Variants in MUC5AC observed in about 807,000 individuals in gnomAD.
MUC5AC encodes the protein mucin 5AC, oligomeric mucus/gel-forming, also known as mucin-5AC.
A neutral mutation model predicts 169.7 loss-of-function variants in MUC5AC; 158 were observed. The ratio of observed to expected loss-of-function variants is 0.93; its 90% CI spans 0.82 to 1.06. MUC5AC has a LOEUF of 1.06. MUC5AC is among the 50% of genes least tolerant of loss of function. The pLI is 0.00. For missense variants in MUC5AC, 4,359 were observed against 3,089.9 expected (o/e 1.41, Z -9.74); for synonymous variants, 1,975 against 1,237.0 (o/e 1.60, Z -12.52).
chr11:1,201,056 A>T lies in MUC5AC; in HGVS notation c.*354A>T. 1 of 219,490 alleles carries T rather than the reference A, an allele frequency of 4.6e-6. No homozygotes were observed. The highest frequency in any genetic ancestry group is 9.0e-6 in the Non-Finnish European group (1 of 111,464). 13.6% of individuals were successfully genotyped at this position (219,490 alleles called of 1,614,324 possible). A position where few individuals can be genotyped will look rare whatever the true frequency, so the allele number is the denominator to read the frequency against. On this transcript the variant is annotated 3_prime_UTR_variant, in exon 49 of 49. Coordinates refer to ENST00000621226, the MANE Select transcript of MUC5AC (RefSeq NM_001304359.2). ...TGGTGGCTGCAGGAGGAAGAACCTC[A>T]CTCCTACCTCAGCCCTCAGCCTGCG...
chr11:1,187,284 T>C lies in MUC5AC; in HGVS notation c.9139T>C (p.Ser3047Pro), dbSNP rs1464458886. 1 of 711,776 alleles carries C rather than the reference T, an allele frequency of 1.4e-6. No individual in the cohort carries two copies. Among genetic ancestry groups the C allele is most frequent in the African/African-American group, 1.8e-5 (1 of 56,650 alleles). The allele number at this position is 711,776 out of a possible 1,614,324, so 44.1% of individuals were successfully genotyped here. ...TSTPTSSTTS[S>P]PQTSTTSAST... is the part of the protein sequence containing the mutation. Reference sequence around the variant, plus strand: ...TACCCCTACAAGCAGCACAACCTCCTCTCCACAGACCAGCACAACCTCGGC... The same window carrying C: ...TACCCCTACAAGCAGCACAACCTCCCCTCCACAGACCAGCACAACCTCGGC... Residue 3047 changes from serine to proline, a missense_variant, in exon 31 of 49, where the codon TCT (serine) becomes CCT (proline). Ser to Pro is a moderately conservative substitution (Grantham distance 74). Coordinates refer to ENST00000621226, the MANE Select transcript of MUC5AC (RefSeq NM_001304359.2).
At position 1,194,471 on chromosome 11, in the gene MUC5AC, C is replaced by T. The variant is rs1417914447; in HGVS notation, c.15007-16C>T. 5 of 743,850 alleles carry T rather than the reference C, an allele frequency of 6.7e-6. No homozygotes were observed. The highest frequency in any genetic ancestry group is 2.5e-5 in the East Asian group (1 of 40,458). 46.1% of individuals were successfully genotyped at this position (743,850 alleles called of 1,614,324 possible). A position where few individuals can be genotyped will look rare whatever the true frequency, so the allele number is the denominator to read the frequency against. ...GCCTGCCTTCTGACTTCCCGTCGAC[C>T]ACGCCCTGCGTCCAGATCATCTTCA... On this transcript the variant is annotated splice_polypyrimidine_tract_variant and intron_variant, in intron 34 of 48. Transcript: ENST00000621226.
At chr11:1,172,992 A>C (rs1860583937) in intron 16 of MUC5AC, among the ~76,000 whole-genome samples, 1 of 143,824 alleles carries the variant, frequency 7.0e-6, no homozygotes, top group Non-Finnish European at 1.5e-5. Context: ...CCATTCACCC[A>C]CTCACTCACC....
intron 36 of MUC5AC, 94 bp from the exon 37 acceptor site, chr11:1,195,782 C>T (rs1048657835): frequency 4.5e-5 from 30 of 659,864 alleles, no homozygotes; most frequent in African/African-American, 4.1e-4. Context: ...GGACTCGCCT[C>T]GCCTGGAGAC....
Position 1,199,779 on chromosome 11 carries a change from T to G in MUC5AC, c.16585+15T>G. On this transcript the variant is annotated intron_variant, in intron 47 of 48. Coordinates refer to ENST00000621226, the MANE Select transcript of MUC5AC (RefSeq NM_001304359.2). ...GTACCAGAACCGTGAGTACCCAGCC[T>G]GCTGGGCGGGGCGGGCTCCACCCTC... The G allele has an allele frequency of 2.8e-6, 2 of 718,980 alleles. No homozygotes were observed. The highest frequency in any genetic ancestry group is 5.1e-6 in the Non-Finnish European group (2 of 394,406). The allele number at this position is 718,980 out of a possible 1,614,324, so 44.5% of individuals were successfully genotyped here.
Position 1,184,303 on chromosome 11 carries a change from T to G in MUC5AC, c.6158T>G (p.Ile2053Ser). The change falls in exon 31 of 49, where the codon ATC becomes AGC. Residue 2053 changes from isoleucine to serine, a missense_variant. Physicochemically the swap from Ile to Ser is moderately radical, Grantham distance 142. Coordinates refer to ENST00000621226, the MANE Select transcript of MUC5AC (RefSeq NM_001304359.2). ...GAGACGGTGAACGTGTGCAGAGACA[T>G]CACCAGACCGCCAAAGACCGTCGCA... ...CCETVNVCRD[I>S]TRPPKTVATT... 2.1e-6 allele frequency: 1 copy of G among 469,344 alleles called. No homozygotes were observed. Among genetic ancestry groups the G allele is most frequent in the Admixed American group, 3.8e-5 (1 of 26,500 alleles). 29.1% of individuals were successfully genotyped at this position (469,344 alleles called of 1,614,324 possible). A position where few individuals can be genotyped will look rare whatever the true frequency, so the allele number is the denominator to read the frequency against.
chr11:1,194,017 G>T, intron 33 of MUC5AC, 93 bp from the exon 34 acceptor site: 1 of 705,580 alleles, frequency 1.4e-6, no homozygotes, highest in Non-Finnish European at 2.6e-6. Context: ...ACGGTGGGGG[G>T]TCAGGGACAG....
chr11:1,196,532 C>T, intron 38 of MUC5AC, 57 bp downstream of exon 38: 1 of 764,260 alleles, frequency 1.3e-6, no homozygotes, highest in Non-Finnish European at 2.4e-6. Flanking sequence ...CAGTCCCCAG[C>T]CTCCCGCTGC....
chr11:1,159,311 C>A (rs1860053029), intron 1 of MUC5AC, among the ~76,000 whole-genome samples: 1 of 152,124 alleles, frequency 6.6e-6, no homozygotes. Context: ...CCCCTCTCTG[C>A]AGGTCCTGGG....
At chr11:1,167,833 C>T in intron 11 of MUC5AC, 44 bp from the exon 12 acceptor site, 1 of 1,500,500 alleles carries the variant, frequency 6.7e-7, no homozygotes, top group African/African-American at 1.4e-5. Flanking sequence ...GTGGGCTGGG[C>T]GTTGGATGGA....
rs756797156 is a variant in MUC5AC at position 1,195,157 on chromosome 11, C to A, written c.15336C>A (p.Val5112=). 1.3e-6 allele frequency: 1 copy of A among 761,280 alleles called. No individual in the cohort carries two copies. Among genetic ancestry groups the A allele is most frequent in the Non-Finnish European group, 2.4e-6 (1 of 416,012 alleles). 47.2% of individuals were successfully genotyped at this position (761,280 alleles called of 1,614,324 possible). The change falls in exon 36 of 49, where the codon GTC becomes GTA. Residue 5112 remains valine, a synonymous_variant. Transcript: ENST00000621226. ...CHRPHPTPTT[V]GPTTVGSTTV... is the part of the protein sequence containing the mutation. ...GGCCTCACCCGACGCCCACCACGGT[C>A]GGGCCCACCACAGTTGGGTCTACCA... is the stretch of plus-strand genomic sequence containing the variant.
In MUC5AC at chr11:1,163,866, T is replaced by C. The variant is rs1209338938; in HGVS notation, c.680-16T>C. ...CCGGGACCTGCAGGCAGAGCCCGCCTCTGTGCTTGCCGCAGACACCAAGCT... is the reference window on the plus strand; with the variant it reads ...CCGGGACCTGCAGGCAGAGCCCGCCCCTGTGCTTGCCGCAGACACCAAGCT... On this transcript the variant is annotated splice_polypyrimidine_tract_variant and intron_variant, in intron 6 of 48. Transcript: ENST00000621226. The C allele has an allele frequency of 1.3e-6, 2 of 1,589,042 alleles. No homozygotes were observed. Among genetic ancestry groups the C allele is most frequent in the African/African-American group, 1.3e-5 (1 of 74,158 alleles).
intron 1 of MUC5AC, among the ~76,000 whole-genome samples, chr11:1,158,575 G>C (rs530738291): frequency 6.6e-6 from 1 of 152,330 alleles, no homozygotes; most frequent in Non-Finnish European, 1.5e-5. Flanking sequence ...AGGCCCACAA[G>C]GGAACTGTTT....
At chr11:1,165,598 CG>C in intron 10 of MUC5AC, 23 bp from the exon 11 acceptor site, 7 of 1,610,540 alleles carry the variant, frequency 4.3e-6, no homozygotes, top group Non-Finnish European at 5.1e-6. Flanking sequence ...CCGGCACCCA[CG>C]TGGCACCATC....
chr11:1,197,385 C>T, intron 40 of MUC5AC, 83 bp from the exon 41 acceptor site: 3 of 675,374 alleles, frequency 4.4e-6, no homozygotes, highest in Non-Finnish European at 8.1e-6. Flanking sequence ...CCTGGCTGCC[C>T]CGGCACTGCA....
Position 1,183,430 on chromosome 11 carries a change from C to G in MUC5AC, c.5285C>G (p.Pro1762Arg), listed in dbSNP as rs1860856538. The G allele has an allele frequency of 6.2e-6, 4 of 640,298 alleles. No homozygotes were observed. 39.7% of individuals were successfully genotyped at this position (640,298 alleles called of 1,614,324 possible). The change falls in exon 31 of 49, where the codon CCC becomes CGC. Residue 1762 changes from proline to arginine, a missense_variant. Coordinates refer to ENST00000621226, the MANE Select transcript of MUC5AC (RefSeq NM_001304359.2). ...WFDVDFPSPG[P>R]HGGDKETYNN... The stretch of plus-strand genomic sequence containing the variant: ...GACGTGGACTTCCCGTCCCCCGGAC[C>G]CCATGGTGGAGACAAGGAAACCTAC...
chr11:1,165,258 TG>T, intron 9 of MUC5AC, 43 bp from the exon 10 acceptor site: 1 of 1,564,838 alleles, frequency 6.4e-7, no homozygotes, highest in Non-Finnish European at 8.7e-7. Context: ...GCCCACTGCG[TG>T]GACACAGCAG....
In MUC5AC at chr11:1,182,255, G is replaced by C; in HGVS notation, c.4110G>C (p.Thr1370=). The change falls in exon 31 of 49, where the codon ACG becomes ACC. Residue 1370 remains threonine, a synonymous_variant. Transcript: ENST00000621226. ...WPTTAGTSPR[T]RLPTASASLP... ...CCACAGCAGGCACTTCTCCCAGGAC[G>C]AGGCTGCCCACAGCCTCTGCCTCAC... 2.5e-6 allele frequency: 1 copy of C among 398,608 alleles called. No homozygotes were observed. Among genetic ancestry groups the C allele is most frequent in the Non-Finnish European group, 4.4e-6 (1 of 226,050 alleles). The allele number at this position is 398,608 out of a possible 1,614,324, so 24.7% of individuals were successfully genotyped here. A position where few individuals can be genotyped will look rare whatever the true frequency, so the allele number is the denominator to read the frequency against.
At chr11:1,169,896 AC>A in intron 15 of MUC5AC, among the ~76,000 whole-genome samples, 1 of 118,782 alleles carries the variant, frequency 8.4e-6, no homozygotes, top group Non-Finnish European at 1.7e-5. Flanking sequence ...CCACTCACCG[AC>A]TCAACCATTC....
Sources: gnomAD v4.1 joint callset for allele counts (sites outside exome capture counted in the v4.1 genomes callset) on GRCh38, gnomAD v4.1.1 for gene constraint, MANE v1.5 for transcripts, NCBI Gene and HGNC (gene_info 2026-07-23, HGNC 2026-07-21) for gene names.